Variants in GABRA5 observed in about 807,000 individuals in gnomAD.
The protein encoded by GABRA5 is gamma-aminobutyric acid type A receptor subunit alpha5.
In GABRA5, 18 loss-of-function variants were observed where a neutral mutation model predicts 47.3. The observed-to-expected ratio is 0.38, with a 90% CI of 0.26 to 0.56. The LOEUF is 0.56. Among genes scored for constraint, GABRA5 ranks in the 20% least tolerant of loss-of-function variants. The probability of loss-of-function intolerance (pLI) is 0.71; values close to 1 mark genes in which losing one functional copy is unlikely to be tolerated. For synonymous variants in GABRA5, 237 were observed against 229.3 expected (o/e 1.03, Z -0.30); for missense variants, 365 against 599.3 (o/e 0.61, Z 4.08).
rs376751978 is a variant in GABRA5 at position 26,869,199 on chromosome 15, A to G, written c.-50A>G. On this transcript the variant is annotated 5_prime_UTR_variant, in exon 3 of 11. Coordinates refer to ENST00000335625, the MANE Select transcript of GABRA5 (RefSeq NM_000810.4). Reference sequence around the variant, plus strand: ...GCTTCAAGAACAAGCTGGAGAAGGGAAGAGTTATTCCTCCATATTCACCTG... The same window carrying G: ...GCTTCAAGAACAAGCTGGAGAAGGGGAGAGTTATTCCTCCATATTCACCTG... The G allele has an allele frequency of 6.5e-5, 71 of 1,095,664 alleles. No individual in the cohort carries two copies. In the African/African-American group the frequency reaches 9.7e-4, roughly 15 times the overall value. The allele number at this position is 1,095,664 out of a possible 1,614,324, so 67.9% of individuals were successfully genotyped here.
At chr15:26,935,352 A>G (rs1595433337) in intron 7 of GABRA5, among the ~76,000 whole-genome samples, 1 of 152,374 alleles carries the variant, frequency 6.6e-6, no homozygotes, top group East Asian at 1.9e-4. Flanking sequence ...GATTCTAGGT[A>G]TCTTTCATCC....
At chr15:26,947,148 G>A (rs1441125042) in intron 10 of GABRA5, among the ~76,000 whole-genome samples, 1 of 152,186 alleles carries the variant, frequency 6.6e-6, no homozygotes, top group Non-Finnish European at 1.5e-5. Flanking sequence ...AGAAGCGATG[G>A]CTGCCTTGCA....
chr15:26,897,500 C>T (rs1595408970), intron 6 of GABRA5, among the ~76,000 whole-genome samples: 2 of 152,112 alleles, frequency 1.3e-5, no homozygotes, highest in African/African-American at 2.4e-5. Context: ...CCACCCAGCC[C>T]GTGGTACTTT....
intron 7 of GABRA5, among the ~76,000 whole-genome samples, chr15:26,923,173 A>G (rs919578824): frequency 6.6e-6 from 1 of 152,154 alleles, no homozygotes; most frequent in Admixed American, 6.5e-5. Flanking sequence ...ATATTTATCC[A>G]TATTTTTACT....
At chr15:26,921,531 C>T (rs536283033) in intron 7 of GABRA5, among the ~76,000 whole-genome samples, 3 of 151,988 alleles carry the variant, frequency 2.0e-5, no homozygotes, top group Non-Finnish European at 4.4e-5. Context: ...TTTTATTGAT[C>T]TTATTATTTG....
At chr15:26,878,825 A>G (rs1194442867) in intron 3 of GABRA5, among the ~76,000 whole-genome samples, 2 of 152,262 alleles carry the variant, frequency 1.3e-5, no homozygotes, top group Non-Finnish European at 2.9e-5. Flanking sequence ...TAAGCATAGC[A>G]TTCTATTCCG....
chr15:26,924,809 C>T (rs1271939485), intron 7 of GABRA5, among the ~76,000 whole-genome samples: 3 of 152,162 alleles, frequency 2.0e-5, no homozygotes, highest in African/African-American at 7.2e-5. Context: ...CTAGATCGCA[C>T]AGGCATCAGT....
intron 9 of GABRA5, 31 bp downstream of exon 9, chr15:26,940,108 GGTGTTTT>G (rs756159250): frequency 6.3e-7 from 1 of 1,582,902 alleles, no homozygotes; most frequent in Admixed American, 1.8e-5. Flanking sequence ...CCTGGACACT[GGTGTTTT>G]GTGACTGACC....
At chr15:26,904,630 C>G (rs1002081435) in intron 6 of GABRA5, among the ~76,000 whole-genome samples, 3 of 151,952 alleles carry the variant, frequency 2.0e-5, no homozygotes, top group African/African-American at 7.2e-5. Flanking sequence ...TGTATTGTCT[C>G]TGATTTCTTT....
At chr15:26,897,882 T>G (rs959332621) in intron 6 of GABRA5, among the ~76,000 whole-genome samples, 3 of 152,148 alleles carry the variant, frequency 2.0e-5, no homozygotes, top group Admixed American at 2.0e-4. Flanking sequence ...GTGCCCATTT[T>G]ATCACATTGT....
At chr15:26,924,313 A>C (rs769794513) in intron 7 of GABRA5, among the ~76,000 whole-genome samples, 10 of 152,034 alleles carry the variant, frequency 6.6e-5, no homozygotes, top group Non-Finnish European at 1.0e-4. Context: ...CAGGACTTCC[A>C]GATCCATGCT....
intron 4 of GABRA5, among the ~76,000 whole-genome samples, 172 bp downstream of exon 4, chr15:26,881,139 C>T (rs76455596): frequency 6.0e-4 from 92 of 152,178 alleles, no homozygotes; most frequent in Middle Eastern, 3.4e-3. Context: ...TTGTTATTGT[C>T]TAGACGCAAG....
At chr15:26,918,700 G>T (rs1417011397) in intron 7 of GABRA5, among the ~76,000 whole-genome samples, 2 of 152,002 alleles carry the variant, frequency 1.3e-5, no homozygotes, top group Non-Finnish European at 1.5e-5. Context: ...ATTACATATT[G>T]TTCTTCTTTA....
intron 9 of GABRA5, among the ~76,000 whole-genome samples, chr15:26,941,500 G>A (rs1455689398): frequency 2.6e-5 from 4 of 152,156 alleles, no homozygotes; most frequent in Non-Finnish European, 5.9e-5. Flanking sequence ...TGCAGGGAAT[G>A]ACGTTCATGG....
chr15:26,883,568 G>A lies in GABRA5; in HGVS notation c.497+11G>A. ...GCTCTACACCATGCGGTGAGCGCCG[G>A]GCGGGGGCGGGCGGGGCCGGGGGAC... On this transcript the variant is annotated intron_variant, in intron 6 of 10. Transcript: ENST00000335625. This position sits in a 1 kb window ranked among gnomAD's most constrained non-coding sequence, Gnocchi z 4.8. The A allele has an allele frequency of 6.5e-7, 1 of 1,528,170 alleles. No individual in the cohort carries two copies. The highest frequency in any genetic ancestry group is 1.2e-5 in the South Asian group (1 of 85,034). 94.7% of individuals were successfully genotyped at this position (1,528,170 alleles called of 1,614,324 possible).
chr15:26,945,799 G>A (rs1294078705), intron 10 of GABRA5, among the ~76,000 whole-genome samples: 4 of 152,144 alleles, frequency 2.6e-5, no homozygotes, highest in South Asian at 2.1e-4. Flanking sequence ...AGTCCCAGGC[G>A]GGTGCTCCCT....
chr15:26,912,989 C>A (rs796080906), intron 6 of GABRA5, among the ~76,000 whole-genome samples: 3 of 152,078 alleles, frequency 2.0e-5, no homozygotes, highest in African/African-American at 7.2e-5. Flanking sequence ...TTGAGACCAG[C>A]CTGGCCAACA....
intron 7 of GABRA5, among the ~76,000 whole-genome samples, chr15:26,933,047 CAT>C (rs1566884873): frequency 6.6e-6 from 1 of 150,452 alleles, no homozygotes; most frequent in Admixed American, 6.6e-5. Context: ...CACCATGGCA[CAT>C]GTTTGCCTAT....
At position 26,948,460 on chromosome 15, in the gene GABRA5, G is replaced by GA. The variant is rs1894569634; in HGVS notation, c.*228dup. On this transcript the variant is annotated 3_prime_UTR_variant, in exon 11 of 11. Coordinates refer to ENST00000335625, the MANE Select transcript of GABRA5 (RefSeq NM_000810.4). ...AGCAAACAACTTTCTGGAAAAACAG[G>GA]ATACGATGACTGACACTCAGATGCC... 1 of 545,878 alleles carries GA rather than the reference G, an allele frequency of 1.8e-6. No individual in the cohort carries two copies. Among genetic ancestry groups the GA allele is most frequent in the Admixed American group, 3.3e-5 (1 of 30,028 alleles). 33.8% of individuals were successfully genotyped at this position (545,878 alleles called of 1,614,324 possible). A position where few individuals can be genotyped will look rare whatever the true frequency, so the allele number is the denominator to read the frequency against.
Sources: gnomAD v4.1 joint callset for allele counts (sites outside exome capture counted in the v4.1 genomes callset) on GRCh38, gnomAD v4.1.1 for gene constraint, Gnocchi (gnomAD v3.1) non-coding constraint, MANE v1.5 for transcripts, NCBI Gene and HGNC (gene_info 2026-07-23, HGNC 2026-07-21) for gene names.